The following EVC variants were observed in gnomAD, a reference collection of about 807,000 sequenced individuals.
EVC encodes EvC ciliary complex subunit 1.
A neutral mutation model predicts 118.9 loss-of-function variants in EVC; 116 were observed. That is an observed-to-expected ratio of 0.98 (90% CI 0.84 to 1.14). EVC has a LOEUF of 1.14. Ranked by LOEUF, EVC falls within the 50% of genes most tolerant of loss-of-function variation. The probability of loss-of-function intolerance (pLI) is 0.00; values close to 1 mark genes in which losing one functional copy is unlikely to be tolerated. For missense variants in EVC, 1,401 were observed against 1,246.4 expected, an observed-to-expected ratio of 1.12 and a Z score of -1.87; for synonymous variants, 619 against 534.7, an observed-to-expected ratio of 1.16 and a Z score of -2.18.
Position 5,756,248 on chromosome 4 carries a change from CTT to C in EVC, c.1465-15_1465-14del, listed in dbSNP as rs1250363886. 2.8e-5 allele frequency: 44 copies of C among 1,595,510 alleles called. No individual in the cohort carries two copies. The highest frequency in any genetic ancestry group is 3.6e-5 in the Non-Finnish European group (42 of 1,167,098). On this transcript the variant is annotated splice_polypyrimidine_tract_variant and intron_variant, in intron 10 of 20. Transcript: ENST00000264956. This position sits in a 1 kb window ranked among gnomAD's most constrained non-coding sequence, Gnocchi z 4.2. The stretch of plus-strand genomic sequence containing the variant: ...CTGCATGTTTCTACCAGACTCAGCT[CTT>C]GTTTTCCTCACAGGCTTTTCATGAG...
intron 11 of EVC, among the ~76,000 whole-genome samples, chr4:5,765,362 A>G (rs1417051960): frequency 8.8e-6 from 1 of 113,984 alleles, no homozygotes; most frequent in Non-Finnish European, 1.9e-5. Flanking sequence ...TGTGGTGCTG[A>G]AAAAAATGTA....
At chr4:5,816,010 C>CTAT (rs997850631), downstream of EVC, among the ~76,000 whole-genome samples, 1 of 151,744 alleles carries the variant, frequency 6.6e-6, no homozygotes, top group African/African-American at 2.4e-5. Context: ...GCCAGGAATA[C>CTAT]TATTTTCCCC....
Position 5,737,597 on chromosome 4 carries a change from G to A in EVC, c.703-4119G>A, listed in dbSNP as rs1727897994. On this transcript the variant is annotated intron_variant, in intron 5 of 20. Transcript: ENST00000264956. This position sits in a 1 kb window ranked among gnomAD's most constrained non-coding sequence, Gnocchi z 5.0. The stretch of plus-strand genomic sequence containing the variant: ...CCAGTGCTCATGCACCACTCCGAAA[G>A]TCCTAGGGCCCTTAAGGGTGATGCT... Among the ~76,000 whole-genome samples, 1 of 152,176 alleles carries A rather than the reference G, an allele frequency of 6.6e-6. No individual in the cohort carries two copies. The highest frequency in any genetic ancestry group is 2.4e-5 in the African/African-American group (1 of 41,440).
At position 5,752,819 on chromosome 4, in the gene EVC, T is replaced by C. The variant is rs1377724023; in HGVS notation, c.1099-17T>C. On this transcript the variant is annotated splice_polypyrimidine_tract_variant and intron_variant, in intron 8 of 20. Coordinates refer to ENST00000264956, the MANE Select transcript of EVC (RefSeq NM_153717.3). ...CCAGGACACCCCAGCTATGGTCCTG[T>C]GTGTTTCTTTTTGCAGGACGCCCTG... 6.2e-7 allele frequency: 1 copy of C among 1,612,934 alleles called. No individual in the cohort carries two copies. Among genetic ancestry groups the C allele is most frequent in the Non-Finnish European group, 8.5e-7 (1 of 1,179,034 alleles).
chr4:5,822,244 C>T, the EVC span, among the ~76,000 whole-genome samples: 17 of 152,326 alleles, frequency 1.1e-4, 1 homozygote, highest in Middle Eastern at 0.02. Context: ...TCCCAACTTA[C>T]GGGTGAGCAA....
the EVC span, chr4:5,828,782 T>TC: frequency 7.0e-6 from 9 of 1,287,308 alleles, no homozygotes; most frequent in Admixed American, 2.4e-4. Context: ...TGTTTTTTTT[T>TC]CTCTCTAAAA....
chr4:5,719,149 C>A lies in EVC; in HGVS notation c.175-99C>A. ...GAGGCGAGCAGAAGTGGCTGCTGGACTGGGGGAGTTGACTGGCAAAAGTCA... is the reference window on the plus strand; with the variant it reads ...GAGGCGAGCAGAAGTGGCTGCTGGAATGGGGGAGTTGACTGGCAAAAGTCA... On this transcript the variant is annotated intron_variant, in intron 1 of 20. Transcript: ENST00000264956. This position sits in a 1 kb window ranked among gnomAD's most constrained non-coding sequence, Gnocchi z 4.7. The A allele has an allele frequency of 6.7e-7, 1 of 1,498,140 alleles. No individual in the cohort carries two copies. The highest frequency in any genetic ancestry group is 9.3e-7 in the Non-Finnish European group (1 of 1,079,232). The allele number at this position is 1,498,140 out of a possible 1,614,324, so 92.8% of individuals were successfully genotyped here. A position where few individuals can be genotyped will look rare whatever the true frequency, so the allele number is the denominator to read the frequency against.
rs1433567295 is a variant in EVC, at chr4:5,737,029, GA to G, written c.702+3599del. ...CACACAGCCAAGTTGTGAATGCAAA[GA>G]AAAAGTTCTTGAAGGAAATTAAAAG... On this transcript the variant is annotated intron_variant, in intron 5 of 20. Transcript: ENST00000264956. The surrounding 1 kb of genome is among the most constrained non-coding windows in gnomAD (Gnocchi z 5.0). Among the ~76,000 whole-genome samples the G allele has an allele frequency of 6.6e-6, 1 of 152,210 alleles. No individual in the cohort carries two copies. Among genetic ancestry groups the G allele is most frequent in the Non-Finnish European group, 1.5e-5 (1 of 68,030 alleles).
At chr4:5,726,742 C>T (rs186416577) in intron 2 of EVC, among the ~76,000 whole-genome samples, 2 of 126,732 alleles carry the variant, frequency 1.6e-5, no homozygotes, top group African/African-American at 6.0e-5. Flanking sequence ...CGACAACAGT[C>T]CCCAGAGTGT....
At chr4:5,777,392 AC>A (rs1452649622) in intron 11 of EVC, among the ~76,000 whole-genome samples, 2 of 152,058 alleles carry the variant, frequency 1.3e-5, no homozygotes, top group African/African-American at 2.4e-5. Context: ...CCAGGCCCCC[AC>A]CCGTAATGAA....
chr4:5,810,548 CT>C, intron 20 of EVC, 98 bp downstream of exon 20: 1 of 864,460 alleles, frequency 1.2e-6, no homozygotes, highest in Non-Finnish European at 1.9e-6. Context: ...CATCAGTCCC[CT>C]CAGAGGCATT....
intron 17 of EVC, among the ~76,000 whole-genome samples, chr4:5,805,517 G>A (rs1715725197): frequency 6.6e-6 from 1 of 152,204 alleles, no homozygotes; most frequent in Non-Finnish European, 1.5e-5. Context: ...GCAAACTACA[G>A]TCTGGCAAGT....
Position 5,755,113 on chromosome 4 carries a change from C to T in EVC, c.1465-1151C>T, listed in dbSNP as rs1486822121. Among the ~76,000 whole-genome samples the T allele has an allele frequency of 1.3e-5, 2 of 152,124 alleles. No homozygotes were observed. The highest frequency in any genetic ancestry group is 2.9e-5 in the Non-Finnish European group (2 of 68,028). ...TCTTCCAGGCCCATACTTGGAGCTT[C>T]TGCATTTGCCACAAAGGGGTAGGGT... On this transcript the variant is annotated intron_variant, in intron 10 of 20. Coordinates refer to ENST00000264956, the MANE Select transcript of EVC (RefSeq NM_153717.3). The surrounding 1 kb of genome is among the most constrained non-coding windows in gnomAD (Gnocchi z 4.1).
chr4:5,774,867 A>G (rs572187350), intron 11 of EVC, among the ~76,000 whole-genome samples: 1 of 152,262 alleles, frequency 6.6e-6, no homozygotes, highest in East Asian at 1.9e-4. Context: ...ATAAATCAGT[A>G]TCTCCCAAGT....
chr4:5,767,206 C>G, intron 11 of EVC, among the ~76,000 whole-genome samples: 1 of 152,090 alleles, frequency 6.6e-6, no homozygotes, highest in Non-Finnish European at 1.5e-5. Context: ...CCCAGTTAGG[C>G]TCCTCGGGGG....
downstream of EVC, among the ~76,000 whole-genome samples, chr4:5,815,432 T>C (rs573277804): frequency 1.3e-5 from 2 of 152,068 alleles, no homozygotes; most frequent in African/African-American, 4.8e-5. Context: ...ACCAGTGAGG[T>C]CCAGGTGCTT....
Position 5,719,452 on chromosome 4 carries a change from A to G in EVC, c.300+79A>G. On this transcript the variant is annotated intron_variant, in intron 2 of 20. Transcript: ENST00000264956. The surrounding 1 kb of genome is among the most constrained non-coding windows in gnomAD (Gnocchi z 4.7). The stretch of plus-strand genomic sequence containing the variant: ...TCCCCCTGGAAGCCGGGTGTCATGT[A>G]GACAAGCCTCTGACAGATATAGTTT... 6.2e-7 allele frequency: 1 copy of G among 1,604,612 alleles called. No individual in the cohort carries two copies. The highest frequency in any genetic ancestry group is 1.3e-5 in the African/African-American group (1 of 74,860).
rs763048870 is a variant in EVC at position 5,731,510 on chromosome 4, C to T, written c.470C>T (p.Pro157Leu). 7 of 1,614,024 alleles carry T rather than the reference C, an allele frequency of 4.3e-6. No homozygotes were observed. The highest frequency in any genetic ancestry group is 5.9e-6 in the Non-Finnish European group (7 of 1,180,040). ...VLPHQPVEAS[P>L]SSSLGSLSQG... ...CCACACCAGCCGGTAGAGGCCTCTCCTTCCAGCAGTCTGGGGAGCCTGAGC... is the reference window on the plus strand; with the variant it reads ...CCACACCAGCCGGTAGAGGCCTCTCTTTCCAGCAGTCTGGGGAGCCTGAGC... The change falls in exon 4 of 21, where the codon CCT (proline) becomes CTT (leucine). Residue 157 changes from proline (P) to leucine (L), a missense_variant. By Grantham distance (98) the Pro-to-Leu change is moderately conservative. Coordinates refer to ENST00000264956, the MANE Select transcript of EVC (RefSeq NM_153717.3). The surrounding 1 kb of genome is among the most constrained non-coding windows in gnomAD (Gnocchi z 5.6).
chr4:5,827,876 G>C, the EVC span, among the ~76,000 whole-genome samples: 236 of 152,316 alleles, frequency 1.5e-3, 2 homozygotes, highest in Admixed American at 0.011. Flanking sequence ...CTGTGAGAAA[G>C]TTCCCTCCTC....
Sources: allele counts gnomAD v4.1 joint callset (sites outside exome capture counted in the v4.1 genomes callset), GRCh38; gene constraint gnomAD v4.1.1; non-coding constraint Gnocchi (gnomAD v3.1); transcripts MANE v1.5; gene names NCBI Gene and HGNC (gene_info 2026-07-23, HGNC 2026-07-21).